FNDC3A: variants seen among roughly 807,000 people sequenced by gnomAD.
FNDC3A encodes fibronectin type III domain containing 3A.
FNDC3A carries 32 observed loss-of-function variants against 148.9 expected under a neutral mutation model. That is an observed-to-expected ratio of 0.21 (90% CI 0.16 to 0.29). The LOEUF is 0.29. Among genes scored for constraint, FNDC3A ranks in the 10% least tolerant of loss-of-function variants. FNDC3A has a pLI of 1.00. For synonymous variants in FNDC3A, 472 were observed against 473.6 expected (o/e 1.00, Z 0.04); for missense variants, 1,191 against 1,452.8 (o/e 0.82, Z 2.93).
At chr13:49,096,986 A>T (rs1247592571) in intron 3 of FNDC3A, among the ~76,000 whole-genome samples, 2 of 152,118 alleles carry the variant, frequency 1.3e-5, no homozygotes, top group Admixed American at 6.6e-5. Flanking sequence ...GAGGAAACGG[A>T]AAAACTGTGA....
chr13:48,979,608 G>A (rs1028688976), intron 1 of FNDC3A, among the ~76,000 whole-genome samples: 1 of 152,098 alleles, frequency 6.6e-6, no homozygotes, highest in East Asian at 1.9e-4. Context: ...AGCTGGACAA[G>A]ACAGTTTGTA....
chr13:49,065,998 TTTAC>T (rs1210134552), intron 2 of FNDC3A, among the ~76,000 whole-genome samples: 1 of 152,190 alleles, frequency 6.6e-6, no homozygotes, highest in Non-Finnish European at 1.5e-5. Context: ...ATGTTATTCA[TTTAC>T]TTATTCTCCT....
chr13:49,006,920 A>G (rs925106528), intron 2 of FNDC3A, among the ~76,000 whole-genome samples: 1 of 152,188 alleles, frequency 6.6e-6, no homozygotes, highest in Non-Finnish European at 1.5e-5. Context: ...AACACTAAAA[A>G]CATAATAAAT....
At chr13:48,999,573 A>C (rs887269304) in intron 1 of FNDC3A, among the ~76,000 whole-genome samples, 3 of 152,188 alleles carry the variant, frequency 2.0e-5, no homozygotes, top group Admixed American at 6.5e-5. Context: ...TTGGGATAGA[A>C]TGAAAATGAC....
intron 2 of FNDC3A, among the ~76,000 whole-genome samples, chr13:49,052,021 GT>G (rs1875877755): frequency 6.6e-6 from 1 of 151,862 alleles, no homozygotes; most frequent in Non-Finnish European, 1.5e-5. Context: ...ATTTCCAGAA[GT>G]TTTTATTGTT....
At chr13:48,986,066 A>G (rs948576582) in intron 1 of FNDC3A, among the ~76,000 whole-genome samples, 13 of 152,060 alleles carry the variant, frequency 8.5e-5, no homozygotes, top group Admixed American at 2.0e-4. Context: ...CAATTTCTGT[A>G]TAGTGTTGGA....
Position 49,201,903 on chromosome 13 carries a change from G to C in FNDC3A, c.3091G>C (p.Glu1031Gln). Residue 1031 changes from glutamate to glutamine, a missense_variant, in exon 24 of 26, where the codon GAA becomes CAA. This residue lies in a region of FNDC3A where 751 missense variants were observed against 944.0 expected (regional missense o/e 0.80). Coordinates refer to ENST00000492622, the MANE Select transcript of FNDC3A (RefSeq NM_001079673.2). ...FCIQACNEAG[E>Q]GPLSQEYIFT... ...TATTCAAGCTTGTAATGAAGCTGGG[G>C]AAGGTCCCCTCTCCCAAGAATATAT... 1 of 1,595,492 alleles carries C rather than the reference G, an allele frequency of 6.3e-7. No homozygotes were observed. Among genetic ancestry groups the C allele is most frequent in the South Asian group, 1.1e-5 (1 of 88,378 alleles).
chr13:49,170,651 T>C (rs1884706913), intron 10 of FNDC3A, among the ~76,000 whole-genome samples: 1 of 152,220 alleles, frequency 6.6e-6, no homozygotes, highest in Non-Finnish European at 1.5e-5. Flanking sequence ...CTACTTTTAA[T>C]GACTTTGTGA....
intron 1 of FNDC3A, among the ~76,000 whole-genome samples, chr13:48,994,295 T>C (rs1330841883): frequency 1.3e-5 from 2 of 152,214 alleles, no homozygotes; most frequent in Admixed American, 1.3e-4. Flanking sequence ...TTTAAAGACA[T>C]GGCAAATAGT....
intron 4 of FNDC3A, among the ~76,000 whole-genome samples, chr13:49,127,170 C>G (rs1881750950): frequency 6.6e-6 from 1 of 152,230 alleles, no homozygotes; most frequent in African/African-American, 2.4e-5. Flanking sequence ...TGTGTAAGGA[C>G]ACATTACTCT....
intron 8 of FNDC3A, among the ~76,000 whole-genome samples, chr13:49,153,155 T>G (rs1468056523): frequency 3.9e-5 from 6 of 151,962 alleles, no homozygotes; most frequent in African/African-American, 1.5e-4. Context: ...AGTGTTCCTA[T>G]TTCTCCACAT....
At chr13:49,083,032 C>T (rs1328033950) in intron 3 of FNDC3A, among the ~76,000 whole-genome samples, 1 of 151,916 alleles carries the variant, frequency 6.6e-6, no homozygotes, top group East Asian at 1.9e-4. Context: ...GAGTCAGAGC[C>T]CAACTAGGGT....
At chr13:49,182,352 G>A (rs1334200924) in intron 14 of FNDC3A, among the ~76,000 whole-genome samples, 1 of 152,070 alleles carries the variant, frequency 6.6e-6, no homozygotes, top group African/African-American at 2.4e-5. Flanking sequence ...AAAATTAAGA[G>A]TTATAAGCAA....
chr13:48,994,051 T>G (rs1361881433), intron 1 of FNDC3A, among the ~76,000 whole-genome samples: 3 of 152,246 alleles, frequency 2.0e-5, no homozygotes, highest in African/African-American at 7.2e-5. Context: ...GTAATCTTGC[T>G]AATGTTCTTT....
chr13:49,202,401 TAC>T (rs769284567), intron 24 of FNDC3A, among the ~76,000 whole-genome samples: 2 of 152,218 alleles, frequency 1.3e-5, no homozygotes, highest in African/African-American at 4.8e-5. Context: ...CAATTAGTTT[TAC>T]ACACACATGT....
At chr13:49,166,590 C>A (rs993598927) in intron 8 of FNDC3A, among the ~76,000 whole-genome samples, 2 of 152,144 alleles carry the variant, frequency 1.3e-5, no homozygotes, top group Admixed American at 1.3e-4. Flanking sequence ...AGTTGCAGCC[C>A]ACAAGGGTCT....
At chr13:49,115,593 T>C (rs992880983) in intron 4 of FNDC3A, among the ~76,000 whole-genome samples, 17 of 152,150 alleles carry the variant, frequency 1.1e-4, no homozygotes, top group Admixed American at 8.5e-4. Flanking sequence ...AGATTTAGAA[T>C]GGATTCAGAA....
intron 2 of FNDC3A, among the ~76,000 whole-genome samples, chr13:49,013,947 A>G (rs1952430504): frequency 6.6e-6 from 1 of 151,528 alleles, no homozygotes; most frequent in Admixed American, 6.6e-5. Context: ...TTATAGCTGC[A>G]TAGTATTCCA....
chr13:49,162,300 T>G (rs998372326), intron 8 of FNDC3A, among the ~76,000 whole-genome samples: 2 of 152,214 alleles, frequency 1.3e-5, no homozygotes, highest in Non-Finnish European at 1.5e-5. Context: ...GAGGCTTCTT[T>G]CGTTTCTTTT....
Sources: allele counts gnomAD v4.1 joint callset (sites outside exome capture counted in the v4.1 genomes callset), GRCh38; gene constraint gnomAD v4.1.1; regional missense constraint gnomAD v4.1.1; transcripts MANE v1.5; gene names NCBI Gene and HGNC (gene_info 2026-07-23, HGNC 2026-07-21).